The following BICD2 variants were observed in gnomAD, a reference collection of about 807,000 sequenced individuals.
The protein encoded by BICD2 is protein bicaudal D homolog 2.
BICD2 carries 25 observed loss-of-function variants against 72.9 expected under a neutral mutation model. That is an observed-to-expected ratio of 0.34 (90% CI 0.25 to 0.48). The LOEUF (loss-of-function observed/expected upper bound fraction) is 0.48. Among genes scored for constraint, BICD2 ranks in the 20% least tolerant of loss-of-function variants. BICD2 has a pLI of 0.99. For synonymous variants in BICD2, 501 were observed against 516.1 expected (o/e 0.97, Z 0.40); for missense variants, 894 against 1,175.2 (o/e 0.76, Z 3.50).
At chr9:92,755,866 T>A (rs1417230127) in intron 1 of BICD2, among the ~76,000 whole-genome samples, 1 of 152,198 alleles carries the variant, frequency 6.6e-6, no homozygotes, top group Non-Finnish European at 1.5e-5. Context: ...CCCGCCATGA[T>A]GCTGTCACTA....
At chr9:92,762,834 G>A (rs117512627) in intron 1 of BICD2, among the ~76,000 whole-genome samples, 5,521 of 152,274 alleles carry the variant, frequency 0.036, 138 homozygotes, top group Middle Eastern at 0.075. Flanking sequence ...AGGAGGAAGA[G>A]GGCTGCTTCA....
rs1054713387 is a variant in BICD2 at position 92,714,522 on chromosome 9, G to C, written c.*632C>G. The C allele has an allele frequency of 4.1e-6, 4 of 985,404 alleles. No homozygotes were observed. The African/African-American group carries it at 7.0e-5, about 17-fold the overall frequency. The allele number at this position is 985,404 out of a possible 1,614,324, so 61.0% of individuals were successfully genotyped here. On this transcript the variant is annotated 3_prime_UTR_variant, in exon 7 of 7. Coordinates refer to ENST00000356884, the MANE Select transcript of BICD2 (RefSeq NM_001003800.2). Reference sequence around the variant, plus strand: ...CTGGGTTATGGTCAGCTGTGTCTGTGCCATGTGTGTCTGGCCAGCAGAATA... The same window carrying C: ...CTGGGTTATGGTCAGCTGTGTCTGTCCCATGTGTGTCTGGCCAGCAGAATA...
intron 1 of BICD2, among the ~76,000 whole-genome samples, chr9:92,739,503 A>T (rs6479429): frequency 0.68 from 103,041 of 152,142 alleles, 36,565 homozygotes; most frequent in African/African-American, 0.89. Flanking sequence ...CTCGGTCAAC[A>T]CTTTACTGTT....
intron 1 of BICD2, among the ~76,000 whole-genome samples, chr9:92,754,457 C>T (rs1448664249): frequency 3.9e-5 from 6 of 152,158 alleles, no homozygotes; most frequent in Non-Finnish European, 8.8e-5. Context: ...CAGTCTGGAA[C>T]AAATTTACAT....
intron 1 of BICD2, among the ~76,000 whole-genome samples, chr9:92,762,932 G>A (rs1039285215): frequency 6.6e-6 from 1 of 152,186 alleles, no homozygotes. Flanking sequence ...AACTGGCCGA[G>A]TCCACTCCCA....
chr9:92,754,552 C>A (rs1344820581), intron 1 of BICD2, among the ~76,000 whole-genome samples: 1 of 152,182 alleles, frequency 6.6e-6, no homozygotes, highest in Non-Finnish European at 1.5e-5. Context: ...GGAAGTGCAA[C>A]TTAAACCACA....
chr9:92,730,466 A>T (rs1031209393), intron 1 of BICD2, among the ~76,000 whole-genome samples: 8 of 152,226 alleles, frequency 5.3e-5, no homozygotes, highest in African/African-American at 1.7e-4. Context: ...AGAGTAACTC[A>T]TTTCGTCCCA....
At chr9:92,763,798 C>T (rs1369277204) in intron 1 of BICD2, among the ~76,000 whole-genome samples, 1 of 152,150 alleles carries the variant, frequency 6.6e-6, no homozygotes, top group East Asian at 1.9e-4. Flanking sequence ...AGAAGCGGGG[C>T]TGGACAGGAA....
Position 92,720,625 on chromosome 9 carries a change from G to A in BICD2, c.737C>T (p.Thr246Ile). 6.2e-7 allele frequency: 1 copy of A among 1,614,160 alleles called. No individual in the cohort carries two copies. The highest frequency in any genetic ancestry group is 2.2e-5 in the East Asian group (1 of 44,878). ...SERQLEEALE[T>I]LKTEREQKNS... ...CTTCTGTTCGCGCTCCGTCTTCAGGGTCTCCAGCGCCTCCTCCAGCTGCCG... is the reference window on the plus strand; with the variant it reads ...CTTCTGTTCGCGCTCCGTCTTCAGGATCTCCAGCGCCTCCTCCAGCTGCCG... Residue 246 changes from threonine (T) to isoleucine (I), a missense_variant, in exon 4 of 7, where the codon ACC becomes ATC. Thr to Ile is a moderately conservative substitution (Grantham distance 89). Transcript: ENST00000356884. This position sits in a 1 kb window ranked among gnomAD's most constrained non-coding sequence, Gnocchi z 5.4.
At chr9:92,737,644 T>C (rs1389609551) in intron 1 of BICD2, among the ~76,000 whole-genome samples, 1 of 152,208 alleles carries the variant, frequency 6.6e-6, no homozygotes, top group East Asian at 1.9e-4. Flanking sequence ...AGGTTACAGT[T>C]ACCTTTGCGG....
intron 1 of BICD2, among the ~76,000 whole-genome samples, chr9:92,751,469 G>A (rs572907878): frequency 2.7e-4 from 41 of 152,204 alleles, no homozygotes; most frequent in Middle Eastern, 3.4e-3. Flanking sequence ...TTGGAAATAA[G>A]TAGAGTCTAT....
At chr9:92,751,803 T>C (rs1467713497) in intron 1 of BICD2, among the ~76,000 whole-genome samples, 1 of 144,254 alleles carries the variant, frequency 6.9e-6, no homozygotes, top group African/African-American at 2.5e-5. Context: ...ATACACTAAC[T>C]GCATTTTTTT....
At chr9:92,717,469 T>C (rs1853341273) in intron 6 of BICD2, among the ~76,000 whole-genome samples, 2 of 152,260 alleles carry the variant, frequency 1.3e-5, no homozygotes, top group Non-Finnish European at 2.9e-5. Flanking sequence ...TGTGGGCACC[T>C]GCCAGGCATG....
Position 92,713,695 on chromosome 9 carries a change from G to C in BICD2, c.*1459C>G. The C allele has an allele frequency of 7.2e-7, 1 of 1,398,194 alleles. No individual in the cohort carries two copies. Among genetic ancestry groups the C allele is most frequent in the Non-Finnish European group, 9.3e-7 (1 of 1,073,300 alleles). 86.6% of individuals were successfully genotyped at this position (1,398,194 alleles called of 1,614,324 possible). ...GGAGAGGGCAAAGCGCATGCAGGGT[G>C]GGCATGCCAGCAGCCATCCCACTGC... is the stretch of plus-strand genomic sequence containing the variant. On this transcript the variant is annotated 3_prime_UTR_variant, in exon 7 of 7. Transcript: ENST00000356884.
intron 1 of BICD2, among the ~76,000 whole-genome samples, chr9:92,747,175 A>T (rs1230195042): frequency 6.6e-6 from 1 of 152,166 alleles, no homozygotes; most frequent in Non-Finnish European, 1.5e-5. Context: ...GGTCCCCAGT[A>T]GGCCAAATCT....
intron 2 of BICD2, 107 bp from the exon 3 acceptor site, chr9:92,722,915 G>C: frequency 7.1e-7 from 1 of 1,404,282 alleles, no homozygotes; most frequent in South Asian, 1.3e-5. Context: ...GAACTCAAGA[G>C]CCCTGGCCTG....
chr9:92,755,015 CCA>C (rs1236225922), intron 1 of BICD2, among the ~76,000 whole-genome samples: 1 of 152,176 alleles, frequency 6.6e-6, no homozygotes. Context: ...CAGAACAGAG[CCA>C]TATTTCTCTT....
In BICD2 at chr9:92,713,625, A is replaced by G; in HGVS notation, c.*1529T>C. 1 of 1,508,664 alleles carries G rather than the reference A, an allele frequency of 6.6e-7. No homozygotes were observed. 93.5% of individuals were successfully genotyped at this position (1,508,664 alleles called of 1,614,324 possible). A position where few individuals can be genotyped will look rare whatever the true frequency, so the allele number is the denominator to read the frequency against. On this transcript the variant is annotated 3_prime_UTR_variant, in exon 7 of 7. Coordinates refer to ENST00000356884, the MANE Select transcript of BICD2 (RefSeq NM_001003800.2). ...GGTCCCAGTGGCTTGGGTGTCTGCA[A>G]AGTCCCTTAGGAGTATGGAGAGAAG...
At chr9:92,742,598 A>T (rs1189812289) in intron 1 of BICD2, among the ~76,000 whole-genome samples, 1 of 151,872 alleles carries the variant, frequency 6.6e-6, no homozygotes. Flanking sequence ...GTTGGCCAGG[A>T]TGGTCCGATC....
Sources: gnomAD v4.1 joint callset for allele counts (sites outside exome capture counted in the v4.1 genomes callset) on GRCh38, gnomAD v4.1.1 for gene constraint, Gnocchi (gnomAD v3.1) non-coding constraint, MANE v1.5 for transcripts, NCBI Gene and HGNC (gene_info 2026-07-23, HGNC 2026-07-21) for gene names.